SKAP1: variants seen among roughly 807,000 people sequenced by gnomAD.
The protein encoded by SKAP1 is src kinase associated phosphoprotein 1.
Under a neutral mutation model 58.5 loss-of-function variants are expected in SKAP1, and 44 were observed. That is an observed-to-expected ratio of 0.75 (90% CI 0.59 to 0.97). The LOEUF (loss-of-function observed/expected upper bound fraction) is 0.97. Ranked by LOEUF, SKAP1 falls within the 50% of genes least tolerant of loss-of-function variation. The pLI is 0.00. For synonymous variants in SKAP1, 127 were observed against 149.7 expected (o/e 0.85, Z 1.11); for missense variants, 390 against 435.2 (o/e 0.90, Z 0.92).
At chr17:48,288,806 G>A (rs1301209557) in intron 4 of SKAP1, among the ~76,000 whole-genome samples, 1 of 152,090 alleles carries the variant, frequency 6.6e-6, no homozygotes, top group Non-Finnish European at 1.5e-5. Flanking sequence ...AGAAATGCTG[G>A]GAAATAGCAC....
intron 4 of SKAP1, among the ~76,000 whole-genome samples, chr17:48,327,033 G>T (rs2066446934): frequency 6.6e-6 from 1 of 152,036 alleles, no homozygotes; most frequent in South Asian, 2.1e-4. Context: ...TGGGACTATA[G>T]GCGTGCGCCA....
intron 4 of SKAP1, among the ~76,000 whole-genome samples, chr17:48,260,190 T>G (rs2065469314): frequency 6.6e-6 from 1 of 152,150 alleles, no homozygotes; most frequent in African/African-American, 2.4e-5. Flanking sequence ...TAATTAGGAA[T>G]TTGATGTGGA....
upstream of SKAP1, among the ~76,000 whole-genome samples, chr17:48,433,759 C>T (rs558743387): frequency 2.0e-5 from 3 of 152,296 alleles, no homozygotes; most frequent in South Asian, 2.1e-4. Flanking sequence ...CCTTGTCCAC[C>T]GGGACCCTTC....
At chr17:48,239,890 C>T (rs2065227373) in intron 4 of SKAP1, among the ~76,000 whole-genome samples, 1 of 149,588 alleles carries the variant, frequency 6.7e-6, no homozygotes, top group Non-Finnish European at 1.5e-5. Context: ...GAACTTGAAT[C>T]ATGGCCTCTA....
At chr17:48,173,088 G>A (rs951700453) in intron 9 of SKAP1, among the ~76,000 whole-genome samples, 1 of 152,062 alleles carries the variant, frequency 6.6e-6, no homozygotes, top group African/African-American at 2.4e-5. Context: ...ACTGAAGCAA[G>A]AGGATTGCCT....
chr17:48,433,120 C>T (rs1428926177), upstream of SKAP1, among the ~76,000 whole-genome samples: 1 of 152,190 alleles, frequency 6.6e-6, no homozygotes, highest in Non-Finnish European at 1.5e-5. Flanking sequence ...ATCTGAGGAC[C>T]CTGTTTCAGC....
At chr17:48,226,494 C>T (rs1250562774) in intron 4 of SKAP1, among the ~76,000 whole-genome samples, 1 of 152,106 alleles carries the variant, frequency 6.6e-6, no homozygotes, top group Non-Finnish European at 1.5e-5. Flanking sequence ...AAAATCCACT[C>T]TCTGTATTAA....
intron 11 of SKAP1, among the ~76,000 whole-genome samples, chr17:48,158,277 T>G (rs1245040393): frequency 7.3e-5 from 11 of 151,460 alleles, no homozygotes; most frequent in African/African-American, 2.7e-4. Flanking sequence ...CCGGTTGCGC[T>G]GGCTCACGCC....
intron 2 of SKAP1, among the ~76,000 whole-genome samples, chr17:48,379,147 C>T (rs535431398): frequency 1.1e-4 from 17 of 152,218 alleles, no homozygotes; most frequent in Admixed American, 2.6e-4. Flanking sequence ...AGAATTTTTT[C>T]CCCCAAAGCC....
chr17:48,167,119 G>A (rs1223641295), intron 10 of SKAP1, among the ~76,000 whole-genome samples: 1 of 152,046 alleles, frequency 6.6e-6, no homozygotes, highest in African/African-American at 2.4e-5. Context: ...TCCCATCTTC[G>A]CCTCCCAAAG....
Position 48,305,661 on chromosome 17 carries a change from G to A in SKAP1, c.280+40244C>T, listed in dbSNP as rs146812673. Among the ~76,000 whole-genome samples the A allele has an allele frequency of 9.3e-4, 142 of 152,286 alleles. 2 individuals carry two copies. The East Asian group carries it at 0.023, about 25-fold the overall frequency. ...ATAATGGTACTTATCTGATAGGGTT[G>A]TTGTGAGAATTAAATGAAAGTGTTT... On this transcript the variant is annotated intron_variant, in intron 4 of 12. Transcript: ENST00000336915.
intron 4 of SKAP1, among the ~76,000 whole-genome samples, chr17:48,297,216 C>A (rs1198935889): frequency 1.3e-5 from 2 of 152,032 alleles, no homozygotes; most frequent in Non-Finnish European, 2.9e-5. Context: ...CTCTCTAATC[C>A]CTGGTTAACA....
intron 1 of SKAP1, among the ~76,000 whole-genome samples, chr17:48,428,916 A>G (rs2067881863): frequency 6.6e-6 from 1 of 152,342 alleles, no homozygotes; most frequent in South Asian, 2.1e-4. Flanking sequence ...CCTCACCTCA[A>G]AAGAAATATC....
intron 1 of SKAP1, among the ~76,000 whole-genome samples, chr17:48,407,394 T>C (rs981188971): frequency 2.0e-5 from 3 of 152,238 alleles, no homozygotes; most frequent in Non-Finnish European, 4.4e-5. Context: ...CTCTCTGGAT[T>C]CACAAGCCTC....
At chr17:48,377,353 C>T (rs1390650690) in intron 2 of SKAP1, 1 of 151,848 alleles carries the variant, frequency 6.6e-6, no homozygotes, top group Non-Finnish European at 1.5e-5. Context: ...GTGGGCAGAT[C>T]ACTTGAGTCC....
Position 48,346,013 on chromosome 17 carries a change from G to T in SKAP1, c.179-7C>A. The T allele has an allele frequency of 6.5e-7, 1 of 1,537,110 alleles. No individual in the cohort carries two copies. Among genetic ancestry groups the T allele is most frequent in the Non-Finnish European group, 8.9e-7 (1 of 1,126,782 alleles). On this transcript the variant is annotated splice_polypyrimidine_tract_variant and splice_region_variant and intron_variant, in intron 3 of 12. Transcript: ENST00000336915. ...TCCTGTCCAATGTCTCCCCCTGAGG[G>T]ACAAAAAAGACAGAAAATAAGGTTA...
chr17:48,218,190 G>A (rs148729371), intron 4 of SKAP1, among the ~76,000 whole-genome samples: 1 of 152,316 alleles, frequency 6.6e-6, no homozygotes, highest in African/African-American at 2.4e-5. Context: ...TAACAGCTAG[G>A]ATCAGAGACC....
intron 4 of SKAP1, among the ~76,000 whole-genome samples, chr17:48,237,784 G>T (rs1253267007): frequency 6.6e-6 from 1 of 152,104 alleles, no homozygotes; most frequent in Non-Finnish European, 1.5e-5. Context: ...TGCTAGTTGT[G>T]CAAGAGAGAT....
At chr17:48,424,744 C>T (rs2144620955) in intron 1 of SKAP1, among the ~76,000 whole-genome samples, 1 of 148,918 alleles carries the variant, frequency 6.7e-6, no homozygotes, top group African/African-American at 2.5e-5. Context: ...ACCATTCTGG[C>T]CAACATGCTG....
Sources: allele counts gnomAD v4.1 joint callset (sites outside exome capture counted in the v4.1 genomes callset), GRCh38; gene constraint gnomAD v4.1.1; transcripts MANE v1.5; gene names NCBI Gene and HGNC (gene_info 2026-07-23, HGNC 2026-07-21).